The following BLTP3A variants were observed in gnomAD, a reference collection of about 807,000 sequenced individuals.
BLTP3A encodes ICBP90 binding protein 1.
the BLTP3A span, among the ~76,000 whole-genome samples, chr6:34,847,693 G>T: frequency 6.7e-6 from 1 of 149,086 alleles, no homozygotes; most frequent in Non-Finnish European, 1.5e-5. Context: ...TTTTTTCTTA[G>T]TCTGGGGAAA....
the BLTP3A span, chr6:34,859,540 A>T: frequency 3.1e-6 from 5 of 1,614,028 alleles, no homozygotes; most frequent in Non-Finnish European, 4.2e-6. Flanking sequence ...GACCTCCACC[A>T]TGCACAAGAT....
At chr6:34,835,161 T>G in the BLTP3A span, 1 of 1,012,548 alleles carries the variant, frequency 9.9e-7, no homozygotes, top group South Asian at 1.7e-5. Context: ...TAAGAAATTG[T>G]CTCTCCAAAG....
the BLTP3A span, chr6:34,834,942 T>G: frequency 6.5e-7 from 1 of 1,530,764 alleles, no homozygotes; most frequent in Non-Finnish European, 8.8e-7. Context: ...CCTTATTGTT[T>G]GGAATGTTAT....
chr6:34,867,646 C>A, the BLTP3A span: 3 of 1,601,750 alleles, frequency 1.9e-6, no homozygotes, highest in South Asian at 2.2e-5. Context: ...CACGACAGAT[C>A]ATGGGACTTG....
At chr6:34,830,684 G>T in the BLTP3A span, among the ~76,000 whole-genome samples, 7 of 152,084 alleles carry the variant, frequency 4.6e-5, no homozygotes, top group African/African-American at 7.2e-5. Flanking sequence ...GAATAGTGCT[G>T]CTATGAACCT....
At chr6:34,854,394 T>A in the BLTP3A span, among the ~76,000 whole-genome samples, 1 of 152,112 alleles carries the variant, frequency 6.6e-6, no homozygotes, top group Admixed American at 6.5e-5. Flanking sequence ...TTAGCAAATA[T>A]AGTTTTGAAG....
chr6:34,823,030 C>T, the BLTP3A span, among the ~76,000 whole-genome samples: 2 of 152,124 alleles, frequency 1.3e-5, no homozygotes, highest in Admixed American at 6.6e-5. Context: ...CCGTGCTTGT[C>T]ATGAGGTTCT....
At chr6:34,805,830 AT>A in the BLTP3A span, among the ~76,000 whole-genome samples, 1 of 152,026 alleles carries the variant, frequency 6.6e-6, no homozygotes, top group African/African-American at 2.4e-5. Context: ...TATTTTAAAA[AT>A]AATTTTATTC....
At chr6:34,823,489 CCAAG>C in the BLTP3A span, 1 of 641,376 alleles carries the variant, frequency 1.6e-6, no homozygotes. Flanking sequence ...CTCCATATAC[CCAAG>C]ATCTAATTTC....
chr6:34,835,345 C>CA, the BLTP3A span: 2 of 1,614,176 alleles, frequency 1.2e-6, no homozygotes, highest in Non-Finnish European at 1.7e-6. Context: ...GTTGGATGAC[C>CA]TGCTCTGGGT....
the BLTP3A span, among the ~76,000 whole-genome samples, chr6:34,833,520 T>C: frequency 2.0e-4 from 31 of 152,144 alleles, no homozygotes; most frequent in Non-Finnish European, 3.8e-4. Flanking sequence ...ATTATCTAAA[T>C]ATTTAGATAG....
chr6:34,801,360 A>T, the BLTP3A span, among the ~76,000 whole-genome samples: 31 of 152,166 alleles, frequency 2.0e-4, no homozygotes, highest in Admixed American at 1.2e-3. Flanking sequence ...TTACTATATT[A>T]AGTTCTGGGT....
the BLTP3A span, among the ~76,000 whole-genome samples, chr6:34,840,386 C>T: frequency 8.2e-6 from 1 of 121,766 alleles, no homozygotes; most frequent in East Asian, 2.4e-4. Flanking sequence ...AACCCCGTCT[C>T]TACTTAAAAA....
chr6:34,838,583 A>G, the BLTP3A span, among the ~76,000 whole-genome samples: 1 of 152,228 alleles, frequency 6.6e-6, no homozygotes, highest in South Asian at 2.1e-4. Flanking sequence ...TGGCTACCTT[A>G]TATCCAGACC....
chr6:34,815,304 T>C, the BLTP3A span, among the ~76,000 whole-genome samples: 2 of 152,054 alleles, frequency 1.3e-5, no homozygotes, highest in East Asian at 3.9e-4. Flanking sequence ...GGCTGGAGTG[T>C]GGTGGTATGA....
chr6:34,864,665 A>G, the BLTP3A span, among the ~76,000 whole-genome samples: 1 of 152,120 alleles, frequency 6.6e-6, no homozygotes, highest in Non-Finnish European at 1.5e-5. Context: ...AACTTAGGAA[A>G]TGATCCTTTA....
the BLTP3A span, chr6:34,867,083 T>C: frequency 2.3e-6 from 2 of 859,248 alleles, no homozygotes; most frequent in Admixed American, 3.4e-5. Context: ...TCATCAAATA[T>C]CTAGTTAGTC....
At chr6:34,834,516 C>G in the BLTP3A span, 2 of 1,466,188 alleles carry the variant, frequency 1.4e-6, no homozygotes, top group Non-Finnish European at 1.8e-6. Flanking sequence ...GTTCCCCATT[C>G]CTGGGAACCC....
At chr6:34,800,940 G>T in the BLTP3A span, among the ~76,000 whole-genome samples, 2 of 152,072 alleles carry the variant, frequency 1.3e-5, no homozygotes, top group Non-Finnish European at 2.9e-5. Context: ...TGTTGGCCAG[G>T]CTGGTCTCAA....
Sources: allele counts gnomAD v4.1 joint callset (sites outside exome capture counted in the v4.1 genomes callset), GRCh38; gene constraint gnomAD v4.1.1; transcripts MANE v1.5; gene names NCBI Gene and HGNC (gene_info 2026-07-23, HGNC 2026-07-21).